CSMD3: variants seen among roughly 807,000 people sequenced by gnomAD.
CSMD3 encodes the protein CUB and sushi domain-containing protein 3.
Under a neutral mutation model 435.2 loss-of-function variants are expected in CSMD3, and 177 were observed. The ratio of observed to expected loss-of-function variants is 0.41; its 90% CI spans 0.36 to 0.46. The LOEUF (loss-of-function observed/expected upper bound fraction) is 0.46, where lower values mean the gene tolerates loss of function less well. Among genes scored for constraint, CSMD3 ranks in the 20% least tolerant of loss-of-function variants. CSMD3 has a pLI of 0.34. For synonymous variants in CSMD3, 1,656 were observed against 1,520.5 expected (o/e 1.09, Z -2.07); for missense variants, 4,265 against 4,504.6 (o/e 0.95, Z 1.52).
intron 32 of CSMD3, among the ~76,000 whole-genome samples, chr8:112,410,495 A>AATATATATATAT (rs4029455): frequency 1.2e-3 from 147 of 122,722 alleles, no homozygotes; most frequent in East Asian, 5.6e-3. Flanking sequence ...AAATACTCCA[A>AATATATATATAT]ATATATATAT....
Position 112,406,650 on chromosome 8 carries a change from C to T in CSMD3, c.5683G>A (p.Ala1895Thr), listed in dbSNP as rs2130026971. Residue 1895 changes from alanine to threonine, a missense_variant, in exon 35 of 71, where the codon GCA becomes ACA. Physicochemically the swap from Ala to Thr is moderately conservative, Grantham distance 58 (BLOSUM62 0). Around this residue, in one of 3 missense-constraint regions of CSMD3, gnomAD observed 3,255 missense variants for 3,380.2 expected, o/e 0.96. Coordinates refer to ENST00000297405, the MANE Select transcript of CSMD3 (RefSeq NM_198123.2). ...TCAAAAAGAACCGATGAACCGACTG[C>T]AAATTCATTGCCAATTCTTCTTCCG... ...RFGRRIGNEF[A>T]VGSSVLFDCN... 6.2e-7 allele frequency: 1 copy of T among 1,612,598 alleles called. No homozygotes were observed. Among genetic ancestry groups the T allele is most frequent in the Non-Finnish European group, 8.5e-7 (1 of 1,178,922 alleles).
At chr8:112,593,773 T>G (rs1831407815) in intron 22 of CSMD3, among the ~76,000 whole-genome samples, 1 of 152,208 alleles carries the variant, frequency 6.6e-6, no homozygotes, top group Non-Finnish European at 1.5e-5. Context: ...TCATCAGTGT[T>G]AAATCAGAGT....
intron 27 of CSMD3, among the ~76,000 whole-genome samples, chr8:112,538,001 G>C (rs546324674): frequency 5.2e-4 from 79 of 152,004 alleles, no homozygotes; most frequent in Non-Finnish European, 1.0e-3. Context: ...CTGTGATCAA[G>C]TGGGATACAT....
At chr8:113,252,790 T>C (rs976260706) in intron 3 of CSMD3, among the ~76,000 whole-genome samples, 1 of 152,140 alleles carries the variant, frequency 6.6e-6, no homozygotes, top group African/African-American at 2.4e-5. Flanking sequence ...ATGAATTTCA[T>C]AAGTAGTGGG....
At chr8:112,734,971 G>A (rs940693736) in intron 13 of CSMD3, among the ~76,000 whole-genome samples, 16 of 151,910 alleles carry the variant, frequency 1.1e-4, no homozygotes, top group Admixed American at 9.9e-4. Flanking sequence ...ATAGAAAGAC[G>A]TAGTAGGAAG....
chr8:113,147,014 T>A (rs1034672697), intron 4 of CSMD3, among the ~76,000 whole-genome samples: 1 of 151,696 alleles, frequency 6.6e-6, no homozygotes, highest in Non-Finnish European at 1.5e-5. Context: ...TGTGTACTAC[T>A]AGAATGTTTA....
chr8:112,888,582 GT>G (rs2081681210), intron 10 of CSMD3, among the ~76,000 whole-genome samples: 2 of 151,666 alleles, frequency 1.3e-5, no homozygotes, highest in East Asian at 3.9e-4. Context: ...AGTAATTTTA[GT>G]TTGATTCTAC....
At chr8:112,485,357 T>A (rs1193608018) in intron 31 of CSMD3, among the ~76,000 whole-genome samples, 1 of 152,160 alleles carries the variant, frequency 6.6e-6, no homozygotes, top group Non-Finnish European at 1.5e-5. Context: ...TACACAGACA[T>A]AATTTACCAC....
intron 31 of CSMD3, among the ~76,000 whole-genome samples, chr8:112,487,380 T>G (rs1248756161): frequency 6.6e-6 from 1 of 152,074 alleles, no homozygotes; most frequent in East Asian, 1.9e-4. Context: ...AAGAACAGCA[T>G]GTGCAAAAGA....
intron 5 of CSMD3, among the ~76,000 whole-genome samples, chr8:113,046,022 T>C (rs1360905373): frequency 6.7e-6 from 1 of 149,630 alleles, no homozygotes; most frequent in Non-Finnish European, 1.5e-5. Context: ...TTAAATGTTT[T>C]ACAAACAAAC....
intron 8 of CSMD3, among the ~76,000 whole-genome samples, chr8:112,951,326 A>G (rs1314819603): frequency 6.6e-6 from 1 of 151,722 alleles, no homozygotes. Flanking sequence ...GTGCTCTCTA[A>G]AAGTTTAATT....
rs188785443 is a variant in CSMD3 at position 112,367,928 on chromosome 8, G to A, written c.6136+12424C>T. On this transcript the variant is annotated intron_variant, in intron 38 of 70. Transcript: ENST00000297405. The stretch of plus-strand genomic sequence containing the variant: ...TTATTAAGGGTTTACTATATAACTG[G>A]CACTGCAATAAGCACTTTATTTATT... Among the ~76,000 whole-genome samples the A allele has an allele frequency of 3.3e-5, 5 of 152,182 alleles. No individual in the cohort carries two copies. The East Asian group carries it at 9.7e-4, about 29-fold the overall frequency.
At position 113,025,305 on chromosome 8, in the gene CSMD3, G is replaced by C. The variant is rs116766876; in HGVS notation, c.918-6126C>G. 8.0e-3 allele frequency among the ~76,000 whole-genome samples: 1,214 copies of C among 152,268 alleles called. 17 individuals carry two copies. The highest frequency in any genetic ancestry group is 0.027 in the African/African-American group (1,136 of 41,540). On this transcript the variant is annotated intron_variant, in intron 5 of 70. Transcript: ENST00000297405. ...TATATGCGTCTTAGGGTGTGGTTTA[G>C]TAGGGTGTTTTGGCTTTGATTCTGG...
Position 113,041,146 on chromosome 8 carries a change from C to A in CSMD3, c.918-21967G>T, listed in dbSNP as rs143206407. On this transcript the variant is annotated intron_variant, in intron 5 of 70. Coordinates refer to ENST00000297405, the MANE Select transcript of CSMD3 (RefSeq NM_198123.2). The stretch of plus-strand genomic sequence containing the variant: ...AATTGAACCAGGGAAGCAGAGGTTG[C>A]GGTGAGCCGAGATCGCGACACTGCA... 8.5e-3 allele frequency among the ~76,000 whole-genome samples: 1,169 copies of A among 137,976 alleles called. 14 individuals carry two copies. Among genetic ancestry groups the A allele is most frequent in the African/African-American group, 0.03 (1,111 of 36,732 alleles). The allele number at this position is 137,976 out of a possible 152,430, so 90.5% of individuals were successfully genotyped here. A position where few individuals can be genotyped will look rare whatever the true frequency, so the allele number is the denominator to read the frequency against.
intron 38 of CSMD3, among the ~76,000 whole-genome samples, chr8:112,355,131 GATAACTGGCTAGCC>G (rs1826471012): frequency 6.6e-6 from 1 of 152,168 alleles, no homozygotes; most frequent in Admixed American, 6.5e-5. Context: ...ATGGTGCTAG[GATAACTGGCTAGCC>G]ATATGCAGAA....
chr8:113,184,496 T>C (rs957933532), intron 3 of CSMD3, among the ~76,000 whole-genome samples: 1 of 152,128 alleles, frequency 6.6e-6, no homozygotes, highest in East Asian at 2.0e-4. Flanking sequence ...CTTTGGAGTT[T>C]CTAAGGATTT....
intron 4 of CSMD3, among the ~76,000 whole-genome samples, chr8:113,107,016 C>T (rs1165470346): frequency 1.3e-5 from 2 of 152,114 alleles, no homozygotes; most frequent in African/African-American, 4.8e-5. Flanking sequence ...ACCTTTTAAT[C>T]GTCCCCTCCA....
intron 3 of CSMD3, among the ~76,000 whole-genome samples, chr8:113,188,385 T>C (rs2092539234): frequency 6.6e-6 from 1 of 151,972 alleles, no homozygotes. Flanking sequence ...ATTGGGGAGA[T>C]AGGAAAATAT....
intron 13 of CSMD3, among the ~76,000 whole-genome samples, chr8:112,742,480 G>A (rs1194517147): frequency 3.3e-5 from 5 of 151,798 alleles, no homozygotes; most frequent in Non-Finnish European, 7.4e-5. Context: ...TTTTTCTCAT[G>A]AGAGTGCGAT....
Sources: allele counts gnomAD v4.1 joint callset (sites outside exome capture counted in the v4.1 genomes callset), GRCh38; gene constraint gnomAD v4.1.1; regional missense constraint gnomAD v4.1.1; transcripts MANE v1.5; gene names NCBI Gene and HGNC (gene_info 2026-07-23, HGNC 2026-07-21).